The following KCNB2 variants were observed in gnomAD, a reference collection of about 807,000 sequenced individuals.
The protein encoded by KCNB2 is delayed rectifier potassium channel protein.
Under a neutral mutation model 61.5 loss-of-function variants are expected in KCNB2, and 15 were observed. That is an observed-to-expected ratio of 0.24 (90% CI 0.16 to 0.38). The LOEUF (loss-of-function observed/expected upper bound fraction) is 0.38. KCNB2 is among the 10% of genes least tolerant of loss of function. The probability of loss-of-function intolerance (pLI) is 1.00; values close to 1 mark genes in which losing one functional copy is unlikely to be tolerated. For synonymous variants in KCNB2, 457 were observed against 446.0 expected, an observed-to-expected ratio of 1.02 and a Z score of -0.31; for missense variants, 828 against 1,125.2, an observed-to-expected ratio of 0.74 and a Z score of 3.78.
At chr8:72,763,153 T>A (rs1427259179) in intron 2 of KCNB2, among the ~76,000 whole-genome samples, 1 of 151,964 alleles carries the variant, frequency 6.6e-6, no homozygotes, top group Non-Finnish European at 1.5e-5. Flanking sequence ...AGAAAGGGCT[T>A]CTCTCTAGAG....
intron 1 of KCNB2, among the ~76,000 whole-genome samples, chr8:72,552,513 G>T (rs1333983222): frequency 1.3e-5 from 2 of 152,134 alleles, no homozygotes; most frequent in African/African-American, 4.8e-5. Context: ...TAGTATATAG[G>T]TCTAGACTAT....
chr8:72,613,419 AG>A (rs1340064609), intron 2 of KCNB2, among the ~76,000 whole-genome samples: 5 of 152,366 alleles, frequency 3.3e-5, no homozygotes, highest in South Asian at 2.1e-4. Context: ...ATATACATTG[AG>A]TCACTGACAG....
intron 2 of KCNB2, among the ~76,000 whole-genome samples, chr8:72,734,277 A>G (rs1040282814): frequency 1.3e-5 from 2 of 152,188 alleles, no homozygotes; most frequent in Non-Finnish European, 2.9e-5. Flanking sequence ...AAGAGCCAAC[A>G]TCAGTACATC....
chr8:72,816,661 A>G (rs1200651981), intron 2 of KCNB2, among the ~76,000 whole-genome samples: 1 of 152,214 alleles, frequency 6.6e-6, no homozygotes, highest in East Asian at 1.9e-4. Context: ...AGAATGCCCT[A>G]CCAAGCTTAC....
At chr8:72,629,645 T>A (rs1382363770) in intron 2 of KCNB2, among the ~76,000 whole-genome samples, 1 of 152,104 alleles carries the variant, frequency 6.6e-6, no homozygotes, top group Non-Finnish European at 1.5e-5. Context: ...TCACATGAAT[T>A]GAGAATAGAA....
chr8:72,750,038 A>G (rs1408134130), intron 2 of KCNB2, among the ~76,000 whole-genome samples: 1 of 151,766 alleles, frequency 6.6e-6, no homozygotes, highest in Non-Finnish European at 1.5e-5. Flanking sequence ...TACCATCTAT[A>G]TTTACAGACT....
intron 2 of KCNB2, among the ~76,000 whole-genome samples, chr8:72,723,399 A>G (rs1807583389): frequency 6.6e-6 from 1 of 152,222 alleles, no homozygotes; most frequent in African/African-American, 2.4e-5. Flanking sequence ...TGTTGTCCCA[A>G]ATGAATTGAC....
chr8:72,665,808 C>G (rs561102503), intron 2 of KCNB2, among the ~76,000 whole-genome samples: 3 of 152,346 alleles, frequency 2.0e-5, no homozygotes, highest in East Asian at 1.9e-4. Context: ...AACTGAAAAG[C>G]AACCATAGCC....
chr8:72,690,708 G>T (rs892869814), intron 2 of KCNB2, among the ~76,000 whole-genome samples: 6 of 152,120 alleles, frequency 3.9e-5, no homozygotes, highest in African/African-American at 1.4e-4. Flanking sequence ...TAAATACATA[G>T]CTATACTTCT....
At chr8:72,722,804 A>G (rs543180900) in intron 2 of KCNB2, among the ~76,000 whole-genome samples, 1 of 152,328 alleles carries the variant, frequency 6.6e-6, no homozygotes, top group African/African-American at 2.4e-5. Flanking sequence ...TACATTAAAT[A>G]CAATATATGT....
intron 2 of KCNB2, among the ~76,000 whole-genome samples, chr8:72,848,001 A>T (rs976719719): frequency 6.6e-6 from 1 of 152,196 alleles, no homozygotes; most frequent in Non-Finnish European, 1.5e-5. Context: ...AGTAGATCAC[A>T]AGCCAGGCCT....
intron 2 of KCNB2, among the ~76,000 whole-genome samples, chr8:72,666,574 G>A (rs899211219): frequency 6.6e-6 from 1 of 151,838 alleles, no homozygotes; most frequent in Admixed American, 6.6e-5. Flanking sequence ...ATTCTGTGGT[G>A]CTGTTTTATT....
chr8:72,696,896 T>C (rs1807026741), intron 2 of KCNB2, among the ~76,000 whole-genome samples: 1 of 152,334 alleles, frequency 6.6e-6, no homozygotes, highest in South Asian at 2.1e-4. Flanking sequence ...TGGCTCTGTG[T>C]AATTAATTTG....
At chr8:72,675,519 AT>A (rs536932692) in intron 2 of KCNB2, among the ~76,000 whole-genome samples, 117 of 145,432 alleles carry the variant, frequency 8.0e-4, no homozygotes, top group South Asian at 3.6e-3. Context: ...CTGCAGTCGG[AT>A]TTTTTTTTTT....
intron 2 of KCNB2, among the ~76,000 whole-genome samples, chr8:72,843,165 AT>A (rs1370643579): frequency 5.9e-5 from 9 of 151,872 alleles, no homozygotes; most frequent in African/African-American, 2.2e-4. Context: ...CAAATAACTT[AT>A]TTATTTCTGC....
At chr8:72,924,610 T>C (rs1806597623) in intron 2 of KCNB2, among the ~76,000 whole-genome samples, 1 of 152,090 alleles carries the variant, frequency 6.6e-6, no homozygotes, top group African/African-American at 2.4e-5. Context: ...AATGTGTCTA[T>C]GTGATTGCAG....
At chr8:72,837,207 G>T (rs1809797465) in intron 2 of KCNB2, among the ~76,000 whole-genome samples, 1 of 152,244 alleles carries the variant, frequency 6.6e-6, no homozygotes, top group East Asian at 1.9e-4. Flanking sequence ...ACAATCAAAA[G>T]CACCACACTA....
intron 2 of KCNB2, among the ~76,000 whole-genome samples, chr8:72,912,854 C>A (rs1269708412): frequency 2.6e-5 from 4 of 152,058 alleles, no homozygotes; most frequent in South Asian, 2.1e-4. Context: ...GATGCTCAAC[C>A]CAGGGCTTCA....
intron 2 of KCNB2, among the ~76,000 whole-genome samples, chr8:72,900,890 T>C (rs1328659719): frequency 1.3e-5 from 2 of 152,090 alleles, no homozygotes; most frequent in Non-Finnish European, 2.9e-5. Context: ...TATACAACAT[T>C]GGTAGGAATG....
Sources: gnomAD v4.1 joint callset for allele counts (sites outside exome capture counted in the v4.1 genomes callset) on GRCh38, gnomAD v4.1.1 for gene constraint, MANE v1.5 for transcripts, NCBI Gene and HGNC (gene_info 2026-07-23, HGNC 2026-07-21) for gene names.